The following PRCD variants were observed in gnomAD, a reference collection of about 807,000 sequenced individuals.
PRCD encodes photoreceptor disc component, also known as photoreceptor disk component PRCD.
Under a neutral mutation model 10.1 loss-of-function variants are expected in PRCD, and 12 were observed. The ratio of observed to expected loss-of-function variants is 1.18; its 90% CI spans 0.76 to 1.92. The LOEUF (loss-of-function observed/expected upper bound fraction) is 1.92, where lower values mean the gene tolerates loss of function less well. Ranked by LOEUF, PRCD falls within the 40% of genes most tolerant of loss-of-function variation. PRCD has a pLI of 0.00. For missense variants in PRCD, 61 were observed against 72.2 expected, an observed-to-expected ratio of 0.84 and a Z score of 0.56; for synonymous variants, 31 against 26.2, an observed-to-expected ratio of 1.18 and a Z score of -0.56.
rs922987063 is a variant in PRCD, at chr17:76,528,473, T to A, written n.45+640T>A. ...TCCTTCGGGGAAGTTGAGTCAGGGATTCCTCCAGCTTCCTTGGCACCCAGA... is the reference window on the plus strand; with the variant it reads ...TCCTTCGGGGAAGTTGAGTCAGGGAATCCTCCAGCTTCCTTGGCACCCAGA... On this transcript the variant is annotated intron_variant and non_coding_transcript_variant, in intron 1 of 4. Transcript: ENST00000397633. This position sits in a 1 kb window ranked among gnomAD's most constrained non-coding sequence, Gnocchi z 5.8. 2 of 1,054,920 alleles carry A rather than the reference T, an allele frequency of 1.9e-6. No homozygotes were observed. The highest frequency in any genetic ancestry group is 3.3e-5 in the East Asian group (1 of 30,676). 65.3% of individuals were successfully genotyped at this position (1,054,920 alleles called of 1,614,324 possible).
In PRCD at chr17:76,531,280, T is replaced by G; in HGVS notation, n.45+3447T>G. The G allele has an allele frequency of 8.2e-7, 1 of 1,222,958 alleles. No homozygotes were observed. The highest frequency in any genetic ancestry group is 2.4e-5 in the Admixed American group (1 of 41,188). The allele number at this position is 1,222,958 out of a possible 1,614,324, so 75.8% of individuals were successfully genotyped here. A position where few individuals can be genotyped will look rare whatever the true frequency, so the allele number is the denominator to read the frequency against. On this transcript the variant is annotated intron_variant and non_coding_transcript_variant, in intron 1 of 4. Transcript: ENST00000397633. The surrounding 1 kb of genome is among the most constrained non-coding windows in gnomAD (Gnocchi z 7.4). ...TGGCAGCTTTGGGAACCCCGTGCTC[T>G]CAGGACAAGGGTTGCCCTGGACCCA...
In PRCD at chr17:76,543,920, G is replaced by A. The variant is rs550052822; in HGVS notation, c.*270G>A. On this transcript the variant is annotated 3_prime_UTR_variant, in exon 5 of 5. Coordinates refer to ENST00000592014, the MANE Select transcript of PRCD (RefSeq NM_001077620.3). ...GGGAGCAACGGACAGCTTGTCCTCC[G>A]AATGTGTTTTCTGTATGTGTGCAAG... The A allele has an allele frequency of 6.6e-5, 31 of 470,574 alleles. No individual in the cohort carries two copies. The highest frequency in any genetic ancestry group is 2.6e-4 in the South Asian group (17 of 64,556). 29.1% of individuals were successfully genotyped at this position (470,574 alleles called of 1,614,324 possible).
Position 76,540,239 on chromosome 17 carries a change from C to G in PRCD, c.74+24C>G, listed in dbSNP as rs1165042652. 9.8e-6 allele frequency: 3 copies of G among 306,852 alleles called. No individual in the cohort carries two copies. The highest frequency in any genetic ancestry group is 2.4e-5 in the South Asian group (1 of 41,276). 19.0% of individuals were successfully genotyped at this position (306,852 alleles called of 1,614,324 possible). ...CCGTGAGAAACTGACCGGGCTATGG[C>G]TGGCGGTTGGTCGGGGGGGGGGGGC... On this transcript the variant is annotated intron_variant, in intron 1 of 4. Transcript: ENST00000592014. The surrounding 1 kb of genome is among the most constrained non-coding windows in gnomAD (Gnocchi z 5.0).
Position 76,531,260 on chromosome 17 carries a change from G to T in PRCD, n.45+3427G>T. 7.8e-7 allele frequency: 1 copy of T among 1,281,956 alleles called. No homozygotes were observed. Among genetic ancestry groups the T allele is most frequent in the Non-Finnish European group, 1.1e-6 (1 of 928,886 alleles). The allele number at this position is 1,281,956 out of a possible 1,614,324, so 79.4% of individuals were successfully genotyped here. ...TCATTCCTAACGCAACAGTCTGGCA[G>T]CTTTGGGAACCCCGTGCTCTCAGGA... On this transcript the variant is annotated intron_variant and non_coding_transcript_variant, in intron 1 of 4. Coordinates refer to the PRCD transcript ENST00000397633. This position sits in a 1 kb window ranked among gnomAD's most constrained non-coding sequence, Gnocchi z 7.4.
At chr17:76,542,347 A>G (rs534027184) in intron 2 of PRCD, among the ~76,000 whole-genome samples, 2 of 152,270 alleles carry the variant, frequency 1.3e-5, no homozygotes, top group African/African-American at 2.4e-5. Flanking sequence ...CCACCTGCCG[A>G]TGGTGGCTGC....
chr17:76,551,859 A>C (rs1726961321), intron 1 of PRCD: 1 of 149,006 alleles, frequency 6.7e-6, no homozygotes, highest in Non-Finnish European at 1.5e-5. Flanking sequence ...TTCACTTATG[A>C]GTTCCTTTAA....
In PRCD at chr17:76,540,976, C is replaced by T. The variant is rs1425475950; in HGVS notation, c.143+403C>T. Among the ~76,000 whole-genome samples, 1 of 152,214 alleles carries T rather than the reference C, an allele frequency of 6.6e-6. No individual in the cohort carries two copies. The highest frequency in any genetic ancestry group is 1.9e-4 in the East Asian group (1 of 5,202). ...GCCTCAGCTAGGCTGCCTGAGCCTC[C>T]AGCAGGATTCGCTGTCCAGTCCCCA... On this transcript the variant is annotated intron_variant, in intron 2 of 4. Coordinates refer to ENST00000592014, the MANE Select transcript of PRCD (RefSeq NM_001077620.3). The surrounding 1 kb of genome is among the most constrained non-coding windows in gnomAD (Gnocchi z 5.0).
downstream of PRCD, among the ~76,000 whole-genome samples, chr17:76,548,134 C>T (rs557919005): frequency 2.0e-5 from 3 of 151,998 alleles, no homozygotes; most frequent in Admixed American, 2.0e-4. Flanking sequence ...GATACACATG[C>T]ATACACAGAC....
rs1316047992 is a variant in PRCD at position 76,544,013 on chromosome 17, G to C, written c.*363G>C. On this transcript the variant is annotated 3_prime_UTR_variant, in exon 5 of 5. Coordinates refer to ENST00000592014, the MANE Select transcript of PRCD (RefSeq NM_001077620.3). The stretch of plus-strand genomic sequence containing the variant: ...GCCTGACACTTGTTTTTATCAATTT[G>C]CTGATGCTCAGTCCCGGCGGCTGCC... 1 of 456,668 alleles carries C rather than the reference G, an allele frequency of 2.2e-6. No homozygotes were observed. The highest frequency in any genetic ancestry group is 6.9e-5 in the East Asian group (1 of 14,400). 28.3% of individuals were successfully genotyped at this position (456,668 alleles called of 1,614,324 possible). A position where few individuals can be genotyped will look rare whatever the true frequency, so the allele number is the denominator to read the frequency against.
At chr17:76,545,386 G>A, downstream of PRCD, 1 of 456,598 alleles carries the variant, frequency 2.2e-6, no homozygotes, top group Non-Finnish European at 4.4e-6. Context: ...CCCCACTGAG[G>A]CTGAGTCCTT....
rs922395140 is a variant in PRCD at position 76,530,768 on chromosome 17, A to G, written n.45+2935A>G. Among the ~76,000 whole-genome samples the G allele has an allele frequency of 4.6e-5, 7 of 152,134 alleles. No individual in the cohort carries two copies. The highest frequency in any genetic ancestry group is 1.0e-4 in the Non-Finnish European group (7 of 68,012). On this transcript the variant is annotated intron_variant and non_coding_transcript_variant, in intron 1 of 4. Coordinates refer to the PRCD transcript ENST00000397633. This position sits in a 1 kb window ranked among gnomAD's most constrained non-coding sequence, Gnocchi z 6.1. The stretch of plus-strand genomic sequence containing the variant: ...TTGGGAGGATTTTTGCTCAGGGCTC[A>G]TGGCTCTGAGCAGCCTGAAGTCACA...
chr17:76,533,302 C>T lies in PRCD; in HGVS notation n.45+5469C>T, dbSNP rs1437303842. Among the ~76,000 whole-genome samples, 2 of 152,160 alleles carry T rather than the reference C, an allele frequency of 1.3e-5. No individual in the cohort carries two copies. The highest frequency in any genetic ancestry group is 2.9e-5 in the Non-Finnish European group (2 of 68,030). The stretch of plus-strand genomic sequence containing the variant: ...CTTCATGGATACACGGGTGAGGACA[C>T]GTGAGGCGACGGGTCTGAAAATACA... On this transcript the variant is annotated intron_variant and non_coding_transcript_variant, in intron 1 of 4. Transcript: ENST00000397633. This position sits in a 1 kb window ranked among gnomAD's most constrained non-coding sequence, Gnocchi z 4.5.
chr17:76,541,424 C>T (rs940021598), intron 2 of PRCD, among the ~76,000 whole-genome samples: 3 of 152,176 alleles, frequency 2.0e-5, no homozygotes, highest in Admixed American at 2.0e-4. Flanking sequence ...ACTCAGGTGG[C>T]GGGTACTGTG....
In PRCD at chr17:76,533,562, A is replaced by T. The variant is rs987124402; in HGVS notation, n.45+5729A>T. On this transcript the variant is annotated intron_variant and non_coding_transcript_variant, in intron 1 of 4. Coordinates refer to the PRCD transcript ENST00000397633. The surrounding 1 kb of genome is among the most constrained non-coding windows in gnomAD (Gnocchi z 4.5). ...CAATGTGGCAAACCCTGTCTCTACAAAATACAAAAAATTAGCCAGGTGTGG... is the reference window on the plus strand; with the variant it reads ...CAATGTGGCAAACCCTGTCTCTACATAATACAAAAAATTAGCCAGGTGTGG... 6.6e-6 allele frequency among the ~76,000 whole-genome samples: 1 copy of T among 152,048 alleles called. No individual in the cohort carries two copies. Among genetic ancestry groups the T allele is most frequent in the Non-Finnish European group, 1.5e-5 (1 of 68,018 alleles).
At chr17:76,532,335 C>G (rs1019066102) in intron 1 of PRCD, among the ~76,000 whole-genome samples, 4 of 152,126 alleles carry the variant, frequency 2.6e-5, no homozygotes, top group Admixed American at 6.5e-5. Context: ...TTTCTACTAC[C>G]CTTTTCCTGT....
chr17:76,528,773 C>A lies in PRCD; in HGVS notation n.45+940C>A. On this transcript the variant is annotated intron_variant and non_coding_transcript_variant, in intron 1 of 4. Transcript: ENST00000397633. The surrounding 1 kb of genome is among the most constrained non-coding windows in gnomAD (Gnocchi z 5.8). ...GTGAGACCCAAGTTCTAGTCTCCGT[C>A]CTGCTACGAACGTGCTGTGTGATCT... 1 of 1,008,032 alleles carries A rather than the reference C, an allele frequency of 9.9e-7. No individual in the cohort carries two copies. 62.4% of individuals were successfully genotyped at this position (1,008,032 alleles called of 1,614,324 possible).
At chr17:76,534,174 C>CTCTCTT (rs1567907867) in intron 1 of PRCD, among the ~76,000 whole-genome samples, 20 of 106,108 alleles carry the variant, frequency 1.9e-4, no homozygotes, top group African/African-American at 6.1e-4. Flanking sequence ...CTCTCTCTCT[C>CTCTCTT]TCTTTCTTTC....
chr17:76,547,015 A>G (rs1229470744), downstream of PRCD: 1 of 152,240 alleles, frequency 6.6e-6, no homozygotes, highest in African/African-American at 2.4e-5. Context: ...ACCTGTCTAC[A>G]AGGCACAAGG....
At position 76,531,591 on chromosome 17, in the gene PRCD, C is replaced by T; in HGVS notation, n.45+3758C>T. 3 of 1,613,798 alleles carry T rather than the reference C, an allele frequency of 1.9e-6. No individual in the cohort carries two copies. The highest frequency in any genetic ancestry group is 1.1e-5 in the South Asian group (1 of 91,090). The stretch of plus-strand genomic sequence containing the variant: ...TTGAGGGCCCCCATGACTCGGCAGG[C>T]GTGCTTCCGCAGCTGGGGGCTCCGC... On this transcript the variant is annotated intron_variant and non_coding_transcript_variant, in intron 1 of 4. Coordinates refer to the PRCD transcript ENST00000397633. This position sits in a 1 kb window ranked among gnomAD's most constrained non-coding sequence, Gnocchi z 7.4.
Sources: gnomAD v4.1 joint callset for allele counts (sites outside exome capture counted in the v4.1 genomes callset) on GRCh38, gnomAD v4.1.1 for gene constraint, Gnocchi (gnomAD v3.1) non-coding constraint, MANE v1.5 for transcripts, NCBI Gene and HGNC (gene_info 2026-07-23, HGNC 2026-07-21) for gene names.